Variants in ZNF709 observed in about 807,000 individuals in gnomAD.
ZNF709 encodes the protein zinc finger protein 709.
Under a neutral mutation model 10.6 loss-of-function variants are expected in ZNF709, and 15 were observed. That is an observed-to-expected ratio of 1.41 (90% confidence interval 0.95 to 2.18). The LOEUF (loss-of-function observed/expected upper bound fraction) is 2.18. Among genes scored for constraint, ZNF709 ranks in the 30% most tolerant of loss-of-function variants. ZNF709 has a pLI of 0.00. For synonymous variants in ZNF709, 194 were observed against 238.8 expected, an observed-to-expected ratio of 0.81 and a Z score of 1.73; for missense variants, 589 against 774.0, an observed-to-expected ratio of 0.76 and a Z score of 2.84.
chr19:12,465,822 T>C (rs1260588000), intron 3 of ZNF709, 89 bp from the exon 4 acceptor site: 6 of 1,088,582 alleles, frequency 5.5e-6, no homozygotes, highest in Non-Finnish European at 6.1e-6. Context: ...CAATCATTAG[T>C]AGGTAGTAGA....
At chr19:12,482,726 A>G (rs989217046) in intron 1 of ZNF709, among the ~76,000 whole-genome samples, 3 of 152,158 alleles carry the variant, frequency 2.0e-5, no homozygotes, top group African/African-American at 7.2e-5. Flanking sequence ...TCAGATCCCC[A>G]GCTTTCCAGT....
At chr19:12,484,124 A>T (rs1970756442) in intron 1 of ZNF709, among the ~76,000 whole-genome samples, 1 of 152,226 alleles carries the variant, frequency 6.6e-6, no homozygotes, top group African/African-American at 2.4e-5. Context: ...ACTGGAGAGA[A>T]GACATTGGCA....
chr19:12,467,159 C>G (rs1970578540), intron 1 of ZNF709, among the ~76,000 whole-genome samples: 1 of 152,250 alleles, frequency 6.6e-6, no homozygotes, highest in South Asian at 2.1e-4. Context: ...CCCTCTCCCT[C>G]TCTTTCCACG....
chr19:12,470,249 A>G (rs11880558), intron 1 of ZNF709, among the ~76,000 whole-genome samples: 40,241 of 152,050 alleles, frequency 0.26, 5,550 homozygotes, highest in South Asian at 0.37. Context: ...ACTGATGTCC[A>G]TATGCAAAGG....
In ZNF709 at chr19:12,475,754, C is replaced by T. The variant is rs115158136; in HGVS notation, c.3+8901G>A. On this transcript the variant is annotated intron_variant, in intron 1 of 3. Transcript: ENST00000397732. ...GGAGAGAAGAGATATAGATTGGGAA[C>T]AAAGAAATATCACTGTCTTTGTCGC... Among the ~76,000 whole-genome samples the T allele has an allele frequency of 6.1e-3, 933 of 152,120 alleles. 7 individuals carry two copies. Among genetic ancestry groups the T allele is most frequent in the African/African-American group, 0.021 (887 of 41,484 alleles).
intron 1 of ZNF709, among the ~76,000 whole-genome samples, chr19:12,480,883 G>A (rs1356410181): frequency 6.6e-6 from 1 of 151,746 alleles, no homozygotes; most frequent in Non-Finnish European, 1.5e-5. Context: ...AGGCTCAAGG[G>A]ATCCTCCCAT....
chr19:12,473,973 G>T (rs1381722591), intron 1 of ZNF709, among the ~76,000 whole-genome samples: 1 of 152,222 alleles, frequency 6.6e-6, no homozygotes. Context: ...TTGAGCCCAG[G>T]AGTTTGAGGC....
chr19:12,465,154 T>C lies in ZNF709; in HGVS notation c.768A>G (p.Gln256=). Residue 256 remains glutamine (Q), a synonymous_variant, in exon 4 of 4, where the codon CAA becomes CAG. Transcript: ENST00000397732. ...GGTAATATCTGAAAGCTTTTCCACA[T>C]TGTTTACATTCATAGGGTTTCTCTC... is the stretch of plus-strand genomic sequence containing the variant. ...HSGEKPYECK[Q]CGKAFRYYQT... The C allele has an allele frequency of 6.2e-7, 1 of 1,611,928 alleles. No homozygotes were observed. Among genetic ancestry groups the C allele is most frequent in the Non-Finnish European group, 8.5e-7 (1 of 1,179,350 alleles).
chr19:12,464,262 G>A lies in ZNF709; in HGVS notation c.1660C>T (p.His554Tyr), dbSNP rs1229674416. ...SSSIRIHERT[H>Y]TGEKPYECKQ... ...CACTCATAAGGTTTCTCTCCAGTGT[G>A]AGTCCTTTCATGTATTCGAATGGAA... The change falls in exon 4 of 4, where the codon CAC (histidine) becomes TAC (tyrosine). Residue 554 changes from histidine to tyrosine, a missense_variant. Transcript: ENST00000397732. The A allele has an allele frequency of 6.2e-7, 1 of 1,601,834 alleles. No individual in the cohort carries two copies. The highest frequency in any genetic ancestry group is 1.1e-5 in the South Asian group (1 of 88,644).
Position 12,482,156 on chromosome 19 carries a change from A to ACACACACAC in ZNF709, c.3+2498_3+2499insGTGTGTGTG, listed in dbSNP as rs1555694485. 2.2e-3 allele frequency among the ~76,000 whole-genome samples: 280 copies of ACACACACAC among 128,448 alleles called. 9 individuals are homozygous for ACACACACAC. The highest frequency in any genetic ancestry group is 4.1e-3 in the African/African-American group (143 of 34,942). The allele number at this position is 128,448 out of a possible 152,430, so 84.3% of individuals were successfully genotyped here. ...TCTAAAATACACACACACACACACA[A>ACACACACAC]ACACACACACACACACACACACACA... On this transcript the variant is annotated intron_variant, in intron 1 of 3. Transcript: ENST00000397732.
intron 1 of ZNF709, among the ~76,000 whole-genome samples, chr19:12,472,900 G>T (rs1019209991): frequency 6.6e-6 from 1 of 151,680 alleles, no homozygotes; most frequent in East Asian, 1.9e-4. Flanking sequence ...AAAAGGAAAA[G>T]GTACATCTCG....
chr19:12,484,687 T>G lies in ZNF709; in HGVS notation c.-30A>C, dbSNP rs1267790671. On this transcript the variant is annotated 5_prime_UTR_variant, in exon 1 of 4. Transcript: ENST00000397732. ...CAGACTCTGGGATGTCCTGGTGTTC[T>G]GTTTACCTCTCCCGCGGCCAGCACA... 1.2e-6 allele frequency: 2 copies of G among 1,613,998 alleles called. No individual in the cohort carries two copies. Among genetic ancestry groups the G allele is most frequent in the Non-Finnish European group, 1.7e-6 (2 of 1,179,928 alleles).
intron 1 of ZNF709, among the ~76,000 whole-genome samples, chr19:12,467,262 C>G (rs932147533): frequency 8.5e-5 from 13 of 152,218 alleles, no homozygotes; most frequent in African/African-American, 3.1e-4. Flanking sequence ...CTCAGCCTGC[C>G]GAGTGCCTGC....
chr19:12,467,398 C>T (rs1970583425), intron 1 of ZNF709, among the ~76,000 whole-genome samples: 1 of 152,258 alleles, frequency 6.6e-6, no homozygotes, highest in African/African-American at 2.4e-5. Flanking sequence ...CAGCCTCGGC[C>T]TCCCGAGGTG....
intron 1 of ZNF709, among the ~76,000 whole-genome samples, chr19:12,483,742 T>C (rs924726910): frequency 1.3e-5 from 2 of 152,096 alleles, no homozygotes; most frequent in Non-Finnish European, 2.9e-5. Context: ...TTTCGCCATG[T>C]TGGCTGGGCT....
intron 1 of ZNF709, among the ~76,000 whole-genome samples, chr19:12,479,511 T>C (rs975114774): frequency 6.8e-6 from 1 of 147,226 alleles, no homozygotes; most frequent in African/African-American, 2.5e-5. Context: ...ATAATCTTCA[T>C]TTTTAATCAA....
chr19:12,477,140 CA>C (rs1970683853), intron 1 of ZNF709, among the ~76,000 whole-genome samples: 1 of 152,144 alleles, frequency 6.6e-6, no homozygotes, highest in African/African-American at 2.4e-5. Context: ...GGTGGGACCA[CA>C]GCATTAAGGT....
rs916601652 is a variant in ZNF709 at position 12,468,300 on chromosome 19, T to G, written c.4-1450A>C. Among the ~76,000 whole-genome samples the G allele has an allele frequency of 3.9e-5, 6 of 152,188 alleles. No individual in the cohort carries two copies. In the South Asian group the frequency reaches 6.2e-4, roughly 16 times the overall value. On this transcript the variant is annotated intron_variant, in intron 1 of 3. Transcript: ENST00000397732. ...TGAGAAATCGGATGGTTGCTGTGTCTGTGTAGAAAGAAGTAGACATGGGAG... is the reference window on the plus strand; with the variant it reads ...TGAGAAATCGGATGGTTGCTGTGTCGGTGTAGAAAGAAGTAGACATGGGAG...
intron 1 of ZNF709, among the ~76,000 whole-genome samples, chr19:12,471,558 T>C (rs567296704): frequency 6.6e-6 from 1 of 152,328 alleles, no homozygotes; most frequent in South Asian, 2.1e-4. Flanking sequence ...GCCTAGTATG[T>C]ATCAAGGATT....
Sources: allele counts gnomAD v4.1 joint callset (sites outside exome capture counted in the v4.1 genomes callset), GRCh38; gene constraint gnomAD v4.1.1; transcripts MANE v1.5; gene names NCBI Gene and HGNC (gene_info 2026-07-23, HGNC 2026-07-21).